KSR2: variants seen among roughly 807,000 people sequenced by gnomAD.
KSR2 encodes the protein kinase suppressor of ras 2.
A neutral mutation model predicts 107.8 loss-of-function variants in KSR2; 25 were observed. The observed-to-expected ratio is 0.23, with a 90% CI of 0.17 to 0.32. The LOEUF (loss-of-function observed/expected upper bound fraction) is 0.32, where lower values mean the gene tolerates loss of function less well. KSR2 is among the 10% of genes least tolerant of loss of function. KSR2 has a pLI of 1.00. For missense variants in KSR2, 887 were observed against 1,268.9 expected, an observed-to-expected ratio of 0.70 and a Z score of 4.57; for synonymous variants, 480 against 507.0, an observed-to-expected ratio of 0.95 and a Z score of 0.71.
intron 5 of KSR2, among the ~76,000 whole-genome samples, chr12:117,631,066 C>T (rs1015059506): frequency 6.6e-6 from 1 of 152,118 alleles, no homozygotes; most frequent in Admixed American, 6.6e-5. Context: ...ACCCATAGTC[C>T]CAACACTTTG....
chr12:117,791,334 T>C (rs190641143), intron 3 of KSR2, among the ~76,000 whole-genome samples: 2 of 152,304 alleles, frequency 1.3e-5, no homozygotes, highest in Admixed American at 1.3e-4. Context: ...CCCGATTATA[T>C]CAAAGATGTA....
chr12:117,582,967 T>G (rs1030094761), intron 5 of KSR2, among the ~76,000 whole-genome samples: 1 of 152,214 alleles, frequency 6.6e-6, no homozygotes, highest in Non-Finnish European at 1.5e-5. Context: ...ACTCCAATTT[T>G]TTTTTGTTTA....
At chr12:117,530,506 T>G (rs983615328) in intron 12 of KSR2, among the ~76,000 whole-genome samples, 13 of 152,166 alleles carry the variant, frequency 8.5e-5, no homozygotes, top group African/African-American at 3.1e-4. Flanking sequence ...TGGGCTATAG[T>G]TTGCTGATTC....
chr12:117,912,528 CT>C (rs1450622300), intron 1 of KSR2, among the ~76,000 whole-genome samples: 1 of 152,148 alleles, frequency 6.6e-6, no homozygotes, highest in Non-Finnish European at 1.5e-5. Flanking sequence ...CTAAAGTTGT[CT>C]GAGAGTTTTG....
At chr12:117,654,162 G>A (rs374125850) in intron 5 of KSR2, among the ~76,000 whole-genome samples, 3 of 152,298 alleles carry the variant, frequency 2.0e-5, no homozygotes, top group Middle Eastern at 3.4e-3. Context: ...TATGTGACCC[G>A]AACTGCCTAT....
chr12:117,534,882 G>C (rs1488798333), intron 10 of KSR2, among the ~76,000 whole-genome samples: 1 of 152,158 alleles, frequency 6.6e-6, no homozygotes, highest in Non-Finnish European at 1.5e-5. Flanking sequence ...GCAGCCCCTA[G>C]ATGCTGGCAA....
At chr12:117,855,682 C>T (rs1369144102) in intron 2 of KSR2, 104 bp from the exon 3 acceptor site, 30 of 1,182,498 alleles carry the variant, frequency 2.5e-5, no homozygotes, top group Middle Eastern at 1.9e-4. Context: ...GCAGTGTAAA[C>T]GCTTTGCATG....
chr12:117,539,702 C>G lies in KSR2; in HGVS notation c.1687+17G>C. The G allele has an allele frequency of 1.9e-6, 3 of 1,594,930 alleles. No homozygotes were observed. Among genetic ancestry groups the G allele is most frequent in the South Asian group, 1.1e-5 (1 of 88,488 alleles). ...TCCAACGCTGCACCCCTCATGTCTC[C>G]CCAAGCATGGAGGTACCTGGCAGGT... On this transcript the variant is annotated intron_variant, in intron 10 of 19. Coordinates refer to ENST00000339824, the MANE Select transcript of KSR2 (RefSeq NM_173598.6).
chr12:117,788,770 C>T (rs1890163172), intron 3 of KSR2, among the ~76,000 whole-genome samples: 1 of 152,210 alleles, frequency 6.6e-6, no homozygotes, highest in Non-Finnish European at 1.5e-5. Context: ...GCCTTGGCCT[C>T]CCAAAGTGCT....
intron 4 of KSR2, among the ~76,000 whole-genome samples, chr12:117,669,954 T>TAAAA (rs10629052): frequency 2.6e-5 from 4 of 151,210 alleles, no homozygotes; most frequent in African/African-American, 9.7e-5. Context: ...GTTGCTGAAA[T>TAAAA]AAAAAAAAAT....
chr12:117,539,551 G>GGT (rs959594945), intron 10 of KSR2, 168 bp downstream of exon 10: 17 of 572,660 alleles, frequency 3.0e-5, no homozygotes. Context: ...AATTGCTTAG[G>GGT]GTACGATAAG....
At chr12:117,608,663 C>A (rs146219915) in intron 5 of KSR2, among the ~76,000 whole-genome samples, 6 of 152,052 alleles carry the variant, frequency 3.9e-5, no homozygotes, top group South Asian at 2.1e-4. Flanking sequence ...ATAATGAGTA[C>A]GGCAAAATGA....
rs150630111 is a variant in KSR2 at position 117,596,520 on chromosome 12, C to T, written c.1172-14161G>A. Among the ~76,000 whole-genome samples the T allele has an allele frequency of 2.5e-3, 385 of 152,254 alleles. 3 individuals carry two copies. Among genetic ancestry groups the T allele is most frequent in the African/African-American group, 6.8e-3 (282 of 41,550 alleles). On this transcript the variant is annotated intron_variant, in intron 5 of 19. Coordinates refer to ENST00000339824, the MANE Select transcript of KSR2 (RefSeq NM_173598.6). ...CACCTACCCAGACATCACCTCGTAG[C>T]GAAACACAGTGTCAGGGCCTTTTCA...
At chr12:117,490,032 A>G (rs1162905008) in intron 14 of KSR2, among the ~76,000 whole-genome samples, 4 of 152,222 alleles carry the variant, frequency 2.6e-5, no homozygotes, top group Admixed American at 2.6e-4. Context: ...GATTCCTTCT[A>G]GCAATGCTGC....
intron 1 of KSR2, among the ~76,000 whole-genome samples, chr12:117,903,833 C>G (rs1267499040): frequency 6.6e-6 from 1 of 152,082 alleles, no homozygotes; most frequent in Non-Finnish European, 1.5e-5. Context: ...CAGGGAAACT[C>G]CATTTCTACA....
chr12:117,825,878 GATGC>G (rs891655902), intron 3 of KSR2, among the ~76,000 whole-genome samples: 3 of 144,194 alleles, frequency 2.1e-5, no homozygotes, highest in African/African-American at 7.6e-5. Flanking sequence ...TGGACGGACA[GATGC>G]ATGCATGCAT....
At chr12:117,797,204 T>C (rs1049016781) in intron 3 of KSR2, among the ~76,000 whole-genome samples, 1 of 152,146 alleles carries the variant, frequency 6.6e-6, no homozygotes, top group South Asian at 2.1e-4. Flanking sequence ...GCAGCCCTAT[T>C]CACAATAGCC....
At chr12:117,637,631 G>A (rs11835229) in intron 5 of KSR2, among the ~76,000 whole-genome samples, 2,764 of 147,922 alleles carry the variant, frequency 0.019, 79 homozygotes, top group African/African-American at 0.064. Flanking sequence ...CCCTGGGAAG[G>A]CTGATTCAAG....
intron 5 of KSR2, among the ~76,000 whole-genome samples, chr12:117,636,318 T>A (rs1341536227): frequency 1.3e-5 from 2 of 148,170 alleles, no homozygotes; most frequent in East Asian, 2.0e-4. Context: ...AATAAAAAAA[T>A]TAAAATAAAT....
Sources: gnomAD v4.1 joint callset for allele counts (sites outside exome capture counted in the v4.1 genomes callset) on GRCh38, gnomAD v4.1.1 for gene constraint, MANE v1.5 for transcripts, NCBI Gene and HGNC (gene_info 2026-07-23, HGNC 2026-07-21) for gene names.